The following SPOP variants were observed in gnomAD, a reference collection of about 807,000 sequenced individuals.
SPOP encodes speckle-type POZ protein.
SPOP carries 11 observed loss-of-function variants against 45.6 expected under a neutral mutation model. The observed-to-expected ratio is 0.24, with a 90% CI of 0.15 to 0.40. SPOP has a LOEUF of 0.40. SPOP is among the 10% of genes least tolerant of loss of function. SPOP has a pLI of 1.00. For synonymous variants in SPOP, 166 were observed against 166.3 expected (o/e 1.00, Z 0.01); for missense variants, 152 against 465.6 (o/e 0.33, Z 6.20).
At chr17:49,634,298 A>G (rs993407495) in intron 1 of SPOP, among the ~76,000 whole-genome samples, 1 of 152,242 alleles carries the variant, frequency 6.6e-6, no homozygotes, top group Admixed American at 6.5e-5. Flanking sequence ...CTAGGGCCAC[A>G]AAGAGTGAAC....
chr17:49,606,816 A>G (rs1463235573), intron 8 of SPOP, among the ~76,000 whole-genome samples: 2 of 151,982 alleles, frequency 1.3e-5, no homozygotes, highest in African/African-American at 2.4e-5. Context: ...TTTTTCTCAA[A>G]TATTTGTGAT....
intron 1 of SPOP, among the ~76,000 whole-genome samples, chr17:49,659,146 A>C (rs1162513235): frequency 6.6e-6 from 1 of 152,146 alleles, no homozygotes; most frequent in Non-Finnish European, 1.5e-5. Context: ...GGTCAGAATA[A>C]ATCTGGGGAT....
At chr17:49,605,384 T>A (rs2071818637) in intron 8 of SPOP, among the ~76,000 whole-genome samples, 1 of 152,196 alleles carries the variant, frequency 6.6e-6, no homozygotes, top group African/African-American at 2.4e-5. Flanking sequence ...AATGCTCAAG[T>A]CACTTATATA....
At chr17:49,674,499 C>G (rs1182277039) in intron 1 of SPOP, among the ~76,000 whole-genome samples, 1 of 152,218 alleles carries the variant, frequency 6.6e-6, no homozygotes, top group Non-Finnish European at 1.5e-5. Flanking sequence ...ACTGTAAGCT[C>G]TCTTCAGGCA....
chr17:49,650,674 A>G, intron 1 of SPOP, among the ~76,000 whole-genome samples: 1 of 152,240 alleles, frequency 6.6e-6, no homozygotes, highest in East Asian at 1.9e-4. Context: ...AATACCAGCA[A>G]TTTTAACAAA....
At chr17:49,640,130 G>A (rs997382939) in intron 1 of SPOP, among the ~76,000 whole-genome samples, 9 of 151,992 alleles carry the variant, frequency 5.9e-5, no homozygotes, top group African/African-American at 2.2e-4. Context: ...GCGCACACCT[G>A]TAATCCCAGC....
At chr17:49,664,833 C>G (rs1246903955) in intron 1 of SPOP, among the ~76,000 whole-genome samples, 1 of 152,212 alleles carries the variant, frequency 6.6e-6, no homozygotes, top group Admixed American at 6.5e-5. Context: ...CACTAGAGTC[C>G]ATAAACTCTT....
intron 8 of SPOP, among the ~76,000 whole-genome samples, chr17:49,603,915 G>A (rs2071786070): frequency 6.6e-6 from 1 of 152,202 alleles, no homozygotes; most frequent in African/African-American, 2.4e-5. Context: ...ACCATGCCCT[G>A]TGTACTTACA....
At chr17:49,653,190 G>A (rs745578332) in intron 1 of SPOP, among the ~76,000 whole-genome samples, 2 of 151,948 alleles carry the variant, frequency 1.3e-5, no homozygotes, top group Non-Finnish European at 2.9e-5. Flanking sequence ...TGGAAACACT[G>A]TTAAAATTGT....
intron 1 of SPOP, among the ~76,000 whole-genome samples, chr17:49,664,614 A>T (rs144237856): frequency 9.5e-4 from 145 of 152,282 alleles, no homozygotes; most frequent in African/African-American, 3.3e-3. Flanking sequence ...AGTGAGAATC[A>T]CTGTTCTAAG....
At chr17:49,636,099 A>G (rs1373594608) in intron 1 of SPOP, 1 of 151,948 alleles carries the variant, frequency 6.6e-6, no homozygotes, top group Non-Finnish European at 1.5e-5. Context: ...CCTGAGCTCA[A>G]ATTATCCGCC....
At chr17:49,633,774 A>C (rs1043276399) in intron 1 of SPOP, among the ~76,000 whole-genome samples, 1 of 152,182 alleles carries the variant, frequency 6.6e-6, no homozygotes, top group African/African-American at 2.4e-5. Context: ...CTGGACCTTA[A>C]AAAGACTTCT....
chr17:49,601,743 T>C (rs1042402548), intron 9 of SPOP, 122 bp downstream of exon 9: 3 of 1,274,144 alleles, frequency 2.4e-6, no homozygotes, highest in Non-Finnish European at 3.3e-6. Flanking sequence ...ATGAAAACTC[T>C]ATTCTTACTG....
chr17:49,655,771 T>C (rs541444475), intron 1 of SPOP, among the ~76,000 whole-genome samples: 1 of 152,218 alleles, frequency 6.6e-6, no homozygotes, highest in Non-Finnish European at 1.5e-5. Context: ...TCACAGCATA[T>C]TCTAACAGCT....
chr17:49,623,377 A>G (rs1054957120), intron 1 of SPOP, among the ~76,000 whole-genome samples: 4 of 152,212 alleles, frequency 2.6e-5, no homozygotes, highest in African/African-American at 9.7e-5. Flanking sequence ...AGTCACAATT[A>G]TATCACCCTA....
chr17:49,614,317 TATGG>T (rs1378597586), intron 5 of SPOP, among the ~76,000 whole-genome samples: 5 of 152,158 alleles, frequency 3.3e-5, no homozygotes, highest in Non-Finnish European at 5.9e-5. Context: ...CAGCACTAAA[TATGG>T]ATGAAGTATA....
At chr17:49,666,448 GACACACACACACACACACACACACAC>G (rs36210011) in intron 1 of SPOP, among the ~76,000 whole-genome samples, 1 of 142,012 alleles carries the variant, frequency 7.0e-6, no homozygotes, top group East Asian at 2.1e-4. Flanking sequence ...CATGAAGACA[GACACACACACACACACACACACACAC>G]ACACACACAC....
intron 1 of SPOP, among the ~76,000 whole-genome samples, chr17:49,649,430 G>C (rs1454965056): frequency 6.6e-6 from 1 of 152,048 alleles, no homozygotes; most frequent in Non-Finnish European, 1.5e-5. Flanking sequence ...CCAGCTACTA[G>C]GGAGGCTGAG....
chr17:49,602,719 C>T (rs1478745616), intron 8 of SPOP, among the ~76,000 whole-genome samples: 3 of 152,168 alleles, frequency 2.0e-5, no homozygotes, highest in Non-Finnish European at 4.4e-5. Flanking sequence ...GGTTAAGCTT[C>T]TCAGGGTAAA....
Sources: allele counts gnomAD v4.1 joint callset (sites outside exome capture counted in the v4.1 genomes callset), GRCh38; gene constraint gnomAD v4.1.1; transcripts MANE v1.5; gene names NCBI Gene and HGNC (gene_info 2026-07-23, HGNC 2026-07-21).